Variants in PDE2A observed in about 807,000 individuals in gnomAD.
The protein encoded by PDE2A is phosphodiesterase 2A.
PDE2A carries 53 observed loss-of-function variants against 133.6 expected under a neutral mutation model. That is an observed-to-expected ratio of 0.40 (90% CI 0.32 to 0.50). The LOEUF (loss-of-function observed/expected upper bound fraction) is 0.50. Ranked by LOEUF, PDE2A falls within the 20% of genes least tolerant of loss-of-function variation. PDE2A has a pLI of 0.73. For missense variants in PDE2A, 796 were observed against 1,232.4 expected, an observed-to-expected ratio of 0.65 and a Z score of 5.30; for synonymous variants, 491 against 490.2, an observed-to-expected ratio of 1.00 and a Z score of -0.02.
chr11:72,615,809 A>G (rs1565172411), intron 2 of PDE2A, among the ~76,000 whole-genome samples: 1 of 152,184 alleles, frequency 6.6e-6, no homozygotes, highest in African/African-American at 2.4e-5. Flanking sequence ...GGCAGTCACA[A>G]GGAGGCAGAT....
Position 72,589,277 on chromosome 11 carries a change from C to T in PDE2A, c.874-37G>A, listed in dbSNP as rs181033398. The T allele has an allele frequency of 4.7e-5, 70 of 1,502,108 alleles. No homozygotes were observed. In the African/African-American group the frequency reaches 8.9e-4, roughly 19 times the overall value. The allele number at this position is 1,502,108 out of a possible 1,614,324, so 93.0% of individuals were successfully genotyped here. A position where few individuals can be genotyped will look rare whatever the true frequency, so the allele number is the denominator to read the frequency against. On this transcript the variant is annotated intron_variant, in intron 11 of 30. Coordinates refer to ENST00000334456, the MANE Select transcript of PDE2A (RefSeq NM_002599.5). ...GGAGAGACTGAGTCAGGGCCCAGTACTCCCCAGGTCAGGGGATCTCAACCT... is the reference window on the plus strand; with the variant it reads ...GGAGAGACTGAGTCAGGGCCCAGTATTCCCCAGGTCAGGGGATCTCAACCT...
intron 1 of PDE2A, among the ~76,000 whole-genome samples, chr11:72,660,881 G>A (rs1171913816): frequency 6.6e-6 from 1 of 152,004 alleles, no homozygotes; most frequent in Non-Finnish European, 1.5e-5. Flanking sequence ...GAGGTGGCAA[G>A]GGGCAAGGCC....
At chr11:72,668,424 C>G (rs568416015) in intron 1 of PDE2A, 1 of 717,990 alleles carries the variant, frequency 1.4e-6, no homozygotes, top group African/African-American at 1.7e-5. Context: ...AAGCTGTAAA[C>G]TTCTGTGTGA....
At chr11:72,605,300 G>T (rs10898857) in intron 3 of PDE2A, 74 bp from the exon 4 acceptor site, 127,468 of 776,758 alleles carry the variant, frequency 0.16, 14,538 homozygotes, top group East Asian at 0.48. Context: ...GTACACAGGG[G>T]TCTGTGGGGC....
At chr11:72,642,813 G>C (rs1859018818) in intron 1 of PDE2A, among the ~76,000 whole-genome samples, 1 of 152,078 alleles carries the variant, frequency 6.6e-6, no homozygotes, top group African/African-American at 2.4e-5. Context: ...GCAGTGGGGT[G>C]GGGTGGGGAG....
intron 2 of PDE2A, among the ~76,000 whole-genome samples, chr11:72,620,472 G>T (rs576934901): frequency 6.6e-6 from 1 of 152,112 alleles, no homozygotes; most frequent in Non-Finnish European, 1.5e-5. Flanking sequence ...ACCCTCCCAG[G>T]AACACAAGCG....
At chr11:72,614,649 C>T (rs1001354769) in intron 2 of PDE2A, among the ~76,000 whole-genome samples, 12 of 152,142 alleles carry the variant, frequency 7.9e-5, no homozygotes, top group Non-Finnish European at 7.4e-5. Context: ...TGCTGCTGGT[C>T]GGGGGACCAC....
chr11:72,639,602 T>C (rs1858864669), intron 2 of PDE2A, among the ~76,000 whole-genome samples: 1 of 152,146 alleles, frequency 6.6e-6, no homozygotes, highest in Admixed American at 6.5e-5. Context: ...GTGACCTTGC[T>C]GCCACGTGCA....
At chr11:72,605,606 T>C (rs900920157) in intron 3 of PDE2A, among the ~76,000 whole-genome samples, 2 of 152,196 alleles carry the variant, frequency 1.3e-5, no homozygotes, top group Non-Finnish European at 2.9e-5. Context: ...AAACAATAAC[T>C]GAGCATCCAC....
At chr11:72,581,017 A>G (rs1287779074) in intron 23 of PDE2A, 44 bp from the exon 24 acceptor site, 5 of 1,322,214 alleles carry the variant, frequency 3.8e-6, no homozygotes, top group Non-Finnish European at 5.5e-6. Context: ...GTCAGCCCAC[A>G]GTTCCCTCCC....
chr11:72,609,636 T>C (rs1857115522), intron 2 of PDE2A, among the ~76,000 whole-genome samples: 2 of 152,004 alleles, frequency 1.3e-5, no homozygotes, highest in Middle Eastern at 3.2e-3. Context: ...GCCAGAGCCA[T>C]GGGGATCAAA....
chr11:72,593,796 A>G (rs1348310150), intron 6 of PDE2A, among the ~76,000 whole-genome samples: 1 of 152,248 alleles, frequency 6.6e-6, no homozygotes, highest in African/African-American at 2.4e-5. Context: ...TATTCCTCAG[A>G]GAGCCCTCGC....
chr11:72,652,801 C>A, intron 1 of PDE2A: 1 of 442,446 alleles, frequency 2.3e-6, no homozygotes, highest in South Asian at 1.6e-5. Flanking sequence ...TTGCAGCAGG[C>A]TGACTTGGGG....
At chr11:72,591,797 A>G (rs977687336) in intron 6 of PDE2A, among the ~76,000 whole-genome samples, 11 of 152,200 alleles carry the variant, frequency 7.2e-5, no homozygotes, top group Admixed American at 6.5e-4. Context: ...TGGGCTCAGT[A>G]TGATGCACCT....
At chr11:72,668,191 G>A (rs887673629) in intron 1 of PDE2A, 5 of 712,084 alleles carry the variant, frequency 7.0e-6, no homozygotes, top group Non-Finnish European at 1.0e-5. Context: ...AACTTTAGTT[G>A]TCCACATCTT....
At chr11:72,628,556 C>T (rs1858204132) in intron 2 of PDE2A, among the ~76,000 whole-genome samples, 1 of 152,172 alleles carries the variant, frequency 6.6e-6, no homozygotes, top group African/African-American at 2.4e-5. Flanking sequence ...GTCTCGATCT[C>T]CTGACCTTGT....
In PDE2A at chr11:72,621,162, C is replaced by T. The variant is rs1435878339; in HGVS notation, c.145-12411G>A. ...AGACAGGGCTGTCTGACACCACAGG[C>T]CCTGCTCTTAATCAGCACCTACAAC... On this transcript the variant is annotated intron_variant, in intron 2 of 30. Coordinates refer to ENST00000334456, the MANE Select transcript of PDE2A (RefSeq NM_002599.5). Among the ~76,000 whole-genome samples the T allele has an allele frequency of 2.6e-5, 4 of 152,154 alleles. No individual in the cohort carries two copies. The East Asian group carries it at 7.7e-4, about 29-fold the overall frequency.
At chr11:72,630,931 A>C (rs1858347694) in intron 2 of PDE2A, 2 of 642,936 alleles carry the variant, frequency 3.1e-6, no homozygotes, top group Non-Finnish European at 5.6e-6. Flanking sequence ...GTCTTGATAT[A>C]GGGGTGGTCC....
At chr11:72,616,866 T>C (rs1030182917) in intron 2 of PDE2A, among the ~76,000 whole-genome samples, 40 of 152,220 alleles carry the variant, frequency 2.6e-4, no homozygotes, top group African/African-American at 8.9e-4. Flanking sequence ...GAAGCCTTCC[T>C]GCGTGGTCAC....
Sources: allele counts gnomAD v4.1 joint callset (sites outside exome capture counted in the v4.1 genomes callset), GRCh38; gene constraint gnomAD v4.1.1; transcripts MANE v1.5; gene names NCBI Gene and HGNC (gene_info 2026-07-23, HGNC 2026-07-21).